Variants in PIK3C2G observed in about 807,000 individuals in gnomAD.
PIK3C2G encodes phosphatidylinositol 3-kinase C2 domain-containing subunit gamma.
Under a neutral mutation model 181.1 loss-of-function variants are expected in PIK3C2G, and 168 were observed. That is an observed-to-expected ratio of 0.93 (90% CI 0.82 to 1.05). The LOEUF (loss-of-function observed/expected upper bound fraction) is 1.05, where lower values mean the gene tolerates loss of function less well. Ranked by LOEUF, PIK3C2G falls within the 50% of genes least tolerant of loss-of-function variation. The probability of loss-of-function intolerance (pLI) is 0.00; values close to 1 mark genes in which losing one functional copy is unlikely to be tolerated. For missense variants in PIK3C2G, 1,869 were observed against 1,732.8 expected (o/e 1.08, Z -1.40); for synonymous variants, 573 against 592.2 (o/e 0.97, Z 0.47).
At chr12:18,382,346 T>G (rs1176797997) in intron 14 of PIK3C2G, among the ~76,000 whole-genome samples, 1 of 152,220 alleles carries the variant, frequency 6.6e-6, no homozygotes, top group South Asian at 2.1e-4. Flanking sequence ...CCTTCTTTTT[T>G]TCTTAAAGTC....
chr12:18,712,736 T>A, the PIK3C2G span: 1 of 1,371,034 alleles, frequency 7.3e-7, no homozygotes, highest in African/African-American at 1.4e-5. Flanking sequence ...AACCCACAAT[T>A]TGAAATATCA....
intron 6 of PIK3C2G, among the ~76,000 whole-genome samples, chr12:18,318,229 T>C (rs950628215): frequency 6.6e-6 from 1 of 152,196 alleles, no homozygotes; most frequent in Non-Finnish European, 1.5e-5. Flanking sequence ...TAAATTTTAG[T>C]CTTAATTGAA....
chr12:18,502,700 C>T (rs1941573796), intron 22 of PIK3C2G, among the ~76,000 whole-genome samples: 1 of 152,014 alleles, frequency 6.6e-6, no homozygotes, highest in African/African-American at 2.4e-5. Flanking sequence ...ATATATGCTC[C>T]CTTTAAAAAA....
chr12:18,516,780 G>T (rs750804671), intron 24 of PIK3C2G, among the ~76,000 whole-genome samples: 4 of 151,742 alleles, frequency 2.6e-5, no homozygotes, highest in East Asian at 1.9e-4. Context: ...AGTTATTGTG[G>T]TTTTTTCTTT....
chr12:18,504,753 A>G (rs1941711922), intron 23 of PIK3C2G, among the ~76,000 whole-genome samples: 1 of 152,234 alleles, frequency 6.6e-6, no homozygotes, highest in South Asian at 2.1e-4. Flanking sequence ...GCATTCACTG[A>G]TATATATGTA....
chr12:18,439,594 G>A (rs1946628812), intron 18 of PIK3C2G, among the ~76,000 whole-genome samples: 1 of 151,976 alleles, frequency 6.6e-6, no homozygotes, highest in African/African-American at 2.4e-5. Flanking sequence ...GTATGTATCT[G>A]GGGTAATTTC....
intron 8 of PIK3C2G, among the ~76,000 whole-genome samples, chr12:18,335,765 A>T (rs1389846248): frequency 6.6e-6 from 1 of 152,180 alleles, no homozygotes; most frequent in Admixed American, 6.5e-5. Flanking sequence ...CTTTTACTTC[A>T]CATATTCTAG....
chr12:18,480,912 G>T (rs1431834206), intron 18 of PIK3C2G, among the ~76,000 whole-genome samples: 1 of 151,854 alleles, frequency 6.6e-6, no homozygotes, highest in Non-Finnish European at 1.5e-5. Context: ...GTTCACCCTT[G>T]AGTTTTTTAT....
intron 29 of PIK3C2G, among the ~76,000 whole-genome samples, chr12:18,588,519 A>C (rs1946907287): frequency 6.6e-6 from 1 of 152,156 alleles, no homozygotes; most frequent in African/African-American, 2.4e-5. Context: ...TCATTACAGA[A>C]ATGCAAATCA....
At chr12:18,504,190 A>G (rs546569405) in intron 23 of PIK3C2G, among the ~76,000 whole-genome samples, 1 of 152,318 alleles carries the variant, frequency 6.6e-6, no homozygotes, top group South Asian at 2.1e-4. Context: ...TATGATAAAA[A>G]GGCCATGATA....
chr12:18,372,799 A>G (rs1286448857), intron 13 of PIK3C2G: 2 of 152,222 alleles, frequency 1.3e-5, no homozygotes, highest in Admixed American at 6.5e-5. Context: ...TTACGATAGT[A>G]AAAATACCAC....
At chr12:18,601,782 G>T (rs1478825282) in intron 30 of PIK3C2G, among the ~76,000 whole-genome samples, 3 of 152,044 alleles carry the variant, frequency 2.0e-5, no homozygotes, top group Non-Finnish European at 4.4e-5. Flanking sequence ...AAAGCAAAAA[G>T]AACAAAGCCA....
intron 31 of PIK3C2G, among the ~76,000 whole-genome samples, chr12:18,630,713 A>G (rs1436592472): frequency 5.6e-4 from 4 of 7,088 alleles, no homozygotes; most frequent in African/African-American, 6.1e-4. Flanking sequence ...AATCTAGACT[A>G]TATAAAATTC....
intron 18 of PIK3C2G, among the ~76,000 whole-genome samples, chr12:18,459,567 G>A (rs1461293980): frequency 6.6e-6 from 1 of 152,082 alleles, no homozygotes; most frequent in Non-Finnish European, 1.5e-5. Flanking sequence ...TTCCTGTTAG[G>A]AACAATTAAA....
chr12:18,394,279 C>T (rs539379701), intron 15 of PIK3C2G, among the ~76,000 whole-genome samples: 1 of 152,172 alleles, frequency 6.6e-6, no homozygotes, highest in Non-Finnish European at 1.5e-5. Flanking sequence ...GCTGATCTTC[C>T]AGTAATTGAA....
At chr12:18,510,638 AG>A (rs1358873994) in intron 24 of PIK3C2G, among the ~76,000 whole-genome samples, 1 of 152,186 alleles carries the variant, frequency 6.6e-6, no homozygotes, top group Non-Finnish European at 1.5e-5. Context: ...ATAATTTTAA[AG>A]GGCAATATGA....
At position 18,612,125 on chromosome 12, in the gene PIK3C2G, G is replaced by A. The variant is rs569404178; in HGVS notation, c.4182+2496G>A. Among the ~76,000 whole-genome samples the A allele has an allele frequency of 3.1e-3, 479 of 152,132 alleles. 4 individuals are homozygous for A. The highest frequency in any genetic ancestry group is 0.01 in the Middle Eastern group (3 of 294). On this transcript the variant is annotated intron_variant, in intron 31 of 32. Coordinates refer to ENST00000538779, the MANE Select transcript of PIK3C2G (RefSeq NM_001288772.2). ...CCACAGACTCCCTCAGTCACTCCGT[G>A]CCAGCCTCAGTGCCTTCTTTGCTGT...
intron 26 of PIK3C2G, among the ~76,000 whole-genome samples, chr12:18,559,567 CAAATATAA>C (rs1945186170): frequency 1.3e-5 from 2 of 150,726 alleles, no homozygotes; most frequent in African/African-American, 4.9e-5. Flanking sequence ...GGTTCTGTGG[CAAATATAA>C]AAATATTAGG....
At chr12:18,638,027 C>A (rs149020207) in intron 31 of PIK3C2G, among the ~76,000 whole-genome samples, 1 of 152,276 alleles carries the variant, frequency 6.6e-6, no homozygotes, top group East Asian at 1.9e-4. Context: ...TTATTTCACA[C>A]CCTTAGTGTC....
Sources: gnomAD v4.1 joint callset for allele counts (sites outside exome capture counted in the v4.1 genomes callset) on GRCh38, gnomAD v4.1.1 for gene constraint, MANE v1.5 for transcripts, NCBI Gene and HGNC (gene_info 2026-07-23, HGNC 2026-07-21) for gene names.